The following KCNN2 variants were observed in gnomAD, a reference collection of about 807,000 sequenced individuals.
KCNN2 encodes the protein potassium calcium-activated channel subfamily N member 2.
Under a neutral mutation model 55.5 loss-of-function variants are expected in KCNN2, and 24 were observed. The ratio of observed to expected loss-of-function variants is 0.43; its 90% CI spans 0.31 to 0.61. The LOEUF is 0.61. Ranked by LOEUF, KCNN2 falls within the 20% of genes least tolerant of loss-of-function variation. The pLI is 0.08. For missense variants in KCNN2, 754 were observed against 853.6 expected (o/e 0.88, Z 1.45); for synonymous variants, 431 against 336.1 (o/e 1.28, Z -3.09).
At chr5:114,425,417 C>T (rs1215028367) in intron 3 of KCNN2, among the ~76,000 whole-genome samples, 1 of 152,194 alleles carries the variant, frequency 6.6e-6, no homozygotes, top group Non-Finnish European at 1.5e-5. Context: ...AATATTTACA[C>T]CCCTGTGTCA....
At chr5:114,452,302 G>A (rs2150105673) in intron 3 of KCNN2, among the ~76,000 whole-genome samples, 2 of 152,224 alleles carry the variant, frequency 1.3e-5, no homozygotes, top group East Asian at 1.9e-4. Flanking sequence ...TGTAATTTTA[G>A]GTGTCAGTGA....
chr5:114,347,280 T>G (rs1377389952), intron 2 of KCNN2, among the ~76,000 whole-genome samples: 2 of 152,188 alleles, frequency 1.3e-5, no homozygotes, highest in Non-Finnish European at 2.9e-5. Flanking sequence ...ACTTACTAAC[T>G]GTGGAGGGAG....
In KCNN2 at chr5:114,477,671, A is replaced by G. The variant is rs533671545; in HGVS notation, c.1890+4507A>G. On this transcript the variant is annotated intron_variant, in intron 5 of 7. Coordinates refer to ENST00000673685, the MANE Select transcript of KCNN2 (RefSeq NM_021614.4). ...TATTTACCATGCAATATCTTTTGGA[A>G]ATATATTATTATTACTGCTCATTCC... Among the ~76,000 whole-genome samples the G allele has an allele frequency of 9.2e-5, 14 of 152,320 alleles. No individual in the cohort carries two copies. In the East Asian group the frequency reaches 2.5e-3, roughly 27 times the overall value.
At chr5:114,421,108 G>A (rs13163662) in intron 3 of KCNN2, among the ~76,000 whole-genome samples, 37,146 of 151,754 alleles carry the variant, frequency 0.24, 4,727 homozygotes, top group Non-Finnish European at 0.28. Flanking sequence ...TCTATTTTGC[G>A]CATAGCCTTG....
At chr5:114,464,858 A>G (rs546106792) in intron 4 of KCNN2, among the ~76,000 whole-genome samples, 1 of 150,932 alleles carries the variant, frequency 6.6e-6, no homozygotes, top group African/African-American at 2.4e-5. Flanking sequence ...CTATTGGATC[A>G]CTTCCCCTTT....
At chr5:114,472,602 G>T in intron 4 of KCNN2, among the ~76,000 whole-genome samples, 1 of 152,200 alleles carries the variant, frequency 6.6e-6, no homozygotes, top group Non-Finnish European at 1.5e-5. Flanking sequence ...CTGGTGCATT[G>T]CAGTTGATCA....
chr5:114,099,389 A>C (rs1363921287), intron 1 of KCNN2, among the ~76,000 whole-genome samples: 1 of 152,184 alleles, frequency 6.6e-6, no homozygotes, highest in African/African-American at 2.4e-5. Context: ...TAAGAAAACA[A>C]AAACTTGGAG....
intron 3 of KCNN2, among the ~76,000 whole-genome samples, chr5:114,441,995 G>T (rs1760232818): frequency 1.3e-5 from 2 of 152,134 alleles, no homozygotes. Context: ...ATAGCTTTCT[G>T]CCTTTCATTG....
intron 1 of KCNN2, among the ~76,000 whole-genome samples, chr5:114,218,978 G>A (rs1210719173): frequency 6.6e-6 from 1 of 152,208 alleles, no homozygotes; most frequent in Non-Finnish European, 1.5e-5. Context: ...GCAGGAACCA[G>A]AGCAAGCACT....
intron 2 of KCNN2, among the ~76,000 whole-genome samples, chr5:114,264,901 A>G (rs1755179070): frequency 6.6e-6 from 1 of 152,244 alleles, no homozygotes; most frequent in Non-Finnish European, 1.5e-5. Flanking sequence ...CCTCAGGGAT[A>G]TAAGCATAGA....
At position 114,392,706 on chromosome 5, in the gene KCNN2, T is replaced by A. The variant is rs114634866; in HGVS notation, c.1219-11732T>A. Among the ~76,000 whole-genome samples the A allele has an allele frequency of 3.0e-3, 460 of 152,246 alleles. 4 individuals carry two copies. Among genetic ancestry groups the A allele is most frequent in the African/African-American group, 0.011 (440 of 41,562 alleles). ...GTTTGTCTTTTGACCTAGTCTGTGA[T>A]GGGCACCTGTAGTCTCATTTCTTTG... is the stretch of plus-strand genomic sequence containing the variant. On this transcript the variant is annotated intron_variant, in intron 2 of 7. Transcript: ENST00000673685.
chr5:114,466,283 G>C (rs1761444861), intron 4 of KCNN2, among the ~76,000 whole-genome samples: 6 of 152,044 alleles, frequency 3.9e-5, no homozygotes, highest in Admixed American at 3.9e-4. Flanking sequence ...CTATTGTAAA[G>C]GTCATGATAA....
At chr5:114,098,937 C>T (rs1751318301) in intron 1 of KCNN2, among the ~76,000 whole-genome samples, 1 of 152,058 alleles carries the variant, frequency 6.6e-6, no homozygotes, top group Non-Finnish European at 1.5e-5. Flanking sequence ...CCAAGTACTC[C>T]ACATCCTTGA....
intron 1 of KCNN2, among the ~76,000 whole-genome samples, chr5:114,074,559 G>GGATTT (rs1197303567): frequency 6.6e-6 from 1 of 152,084 alleles, no homozygotes; most frequent in Non-Finnish European, 1.5e-5. Flanking sequence ...CAGCTTTTGT[G>GGATTT]GATTTTTAAA....
chr5:114,221,216 G>T (rs1431265243), intron 1 of KCNN2, among the ~76,000 whole-genome samples: 1 of 152,310 alleles, frequency 6.6e-6, no homozygotes. Context: ...TACAGGGCAA[G>T]AATTACACAA....
At chr5:114,113,055 C>T (rs1751635036) in intron 1 of KCNN2, among the ~76,000 whole-genome samples, 2 of 152,012 alleles carry the variant, frequency 1.3e-5, no homozygotes, top group Admixed American at 6.6e-5. Context: ...CAGACAGGAA[C>T]CTCATGGAAC....
intron 4 of KCNN2, among the ~76,000 whole-genome samples, chr5:114,469,062 A>T (rs992376621): frequency 2.0e-5 from 3 of 152,214 alleles, no homozygotes; most frequent in Non-Finnish European, 2.9e-5. Context: ...ACAGTGGAGA[A>T]AAACACTACA....
At chr5:114,309,673 C>T (rs1037924053) in intron 2 of KCNN2, among the ~76,000 whole-genome samples, 2 of 152,108 alleles carry the variant, frequency 1.3e-5, no homozygotes, top group African/African-American at 4.8e-5. Flanking sequence ...TAGGTGCTAA[C>T]AGGGATATGG....
At chr5:114,064,417 A>AGCTTT (rs1750396801) in intron 1 of KCNN2, among the ~76,000 whole-genome samples, 7 of 152,180 alleles carry the variant, frequency 4.6e-5, no homozygotes, top group Admixed American at 4.6e-4. Flanking sequence ...TGCTAGAGGG[A>AGCTTT]GAACCATTCA....
Sources: gnomAD v4.1 joint callset for allele counts (sites outside exome capture counted in the v4.1 genomes callset) on GRCh38, gnomAD v4.1.1 for gene constraint, MANE v1.5 for transcripts, NCBI Gene and HGNC (gene_info 2026-07-23, HGNC 2026-07-21) for gene names.